Variants in GARNL3 observed in about 807,000 individuals in gnomAD.
GARNL3 encodes the protein GTPase activating Rap/RanGAP domain like 3, also known as GTPase-activating Rap/Ran-GAP domain-like protein 3.
In GARNL3, 63 loss-of-function variants were observed where a neutral mutation model predicts 125.0. The ratio of observed to expected loss-of-function variants is 0.50; its 90% CI spans 0.41 to 0.62. The LOEUF (loss-of-function observed/expected upper bound fraction) is 0.62. GARNL3 is among the 20% of genes least tolerant of loss of function. GARNL3 has a pLI of 0.00. For missense variants in GARNL3, 994 were observed against 1,244.0 expected, an observed-to-expected ratio of 0.80 and a Z score of 3.02; for synonymous variants, 439 against 457.5, an observed-to-expected ratio of 0.96 and a Z score of 0.52.
intron 1 of GARNL3, among the ~76,000 whole-genome samples, chr9:127,229,523 T>C (rs1251545029): frequency 6.6e-6 from 1 of 152,236 alleles, no homozygotes; most frequent in African/African-American, 2.4e-5. Context: ...TGAGACAAAG[T>C]CTCACTCTAT....
intron 14 of GARNL3, among the ~76,000 whole-genome samples, chr9:127,343,440 C>A (rs1277589952): frequency 6.6e-6 from 1 of 152,192 alleles, no homozygotes; most frequent in East Asian, 1.9e-4. Flanking sequence ...TCCCTAGCCC[C>A]CCAGTTGAAG....
intron 2 of GARNL3, among the ~76,000 whole-genome samples, chr9:127,293,137 T>C (rs2064476096): frequency 6.6e-6 from 1 of 152,204 alleles, no homozygotes; most frequent in South Asian, 2.1e-4. Flanking sequence ...AATGGTACTT[T>C]CTAGCCTGAT....
In GARNL3 at chr9:127,240,622, G is replaced by T. The variant is rs537687283; in HGVS notation, c.-28-2457G>T. On this transcript the variant is annotated intron_variant, in intron 1 of 10. Coordinates refer to the GARNL3 transcript ENST00000439286. ...CACATTAAAATTCATTTTAATAAGG[G>T]GCTAGGCATGGCATTCATGCTTGTA... 7.2e-5 allele frequency among the ~76,000 whole-genome samples: 11 copies of T among 152,274 alleles called. No homozygotes were observed. The South Asian group carries it at 2.3e-3, about 32-fold the overall frequency.
In GARNL3 at chr9:127,387,210, A is replaced by G. The variant is rs1487628774; in HGVS notation, c.2406A>G (p.Thr802=). 8 of 1,613,466 alleles carry G rather than the reference A, an allele frequency of 5.0e-6. No homozygotes were observed. The highest frequency in any genetic ancestry group is 1.3e-5 in the African/African-American group (1 of 74,838). The change falls in exon 25 of 28, where the codon ACA becomes ACG. Residue 802 remains threonine (T), a synonymous_variant. Coordinates refer to ENST00000373387, the MANE Select transcript of GARNL3 (RefSeq NM_032293.5). ...CTTTCTAGTCGGATATATACTTCAC[A>G]GCAACTGCAGCTGTGAATGAGGTCT... ...LVASRSDIYF[T]ATAAVNEVSS... is the part of the protein sequence containing the mutation.
intron 2 of GARNL3, among the ~76,000 whole-genome samples, chr9:127,297,288 G>T (rs1187043257): frequency 6.6e-6 from 1 of 151,936 alleles, no homozygotes; most frequent in Non-Finnish European, 1.5e-5. Flanking sequence ...ACAGGCGCAG[G>T]CCACCACGTC....
chr9:127,288,486 A>G (rs944580753), intron 1 of GARNL3, among the ~76,000 whole-genome samples: 1 of 152,064 alleles, frequency 6.6e-6, no homozygotes, highest in Non-Finnish European at 1.5e-5. Flanking sequence ...GGGTGTATAG[A>G]CTCAGTAGGA....
chr9:127,338,265 A>C, intron 12 of GARNL3, 104 bp downstream of exon 12: 2 of 919,390 alleles, frequency 2.2e-6, no homozygotes, highest in South Asian at 2.8e-5. Context: ...TGATTGATTT[A>C]ATATGAGTGC....
At chr9:127,312,907 A>G (rs1160257768) in intron 3 of GARNL3, among the ~76,000 whole-genome samples, 1 of 152,232 alleles carries the variant, frequency 6.6e-6, no homozygotes, top group Non-Finnish European at 1.5e-5. Context: ...CAGGTGCAGT[A>G]ACAGAAAACC....
chr9:127,276,184 C>T (rs1564871971), intron 1 of GARNL3, among the ~76,000 whole-genome samples: 1 of 151,212 alleles, frequency 6.6e-6, no homozygotes, highest in Non-Finnish European at 1.5e-5. Context: ...GATGGGGTCT[C>T]ATTATGTTAT....
At chr9:127,354,559 C>A in intron 19 of GARNL3, 149 bp downstream of exon 19, 1 of 555,006 alleles carries the variant, frequency 1.8e-6, no homozygotes, top group Admixed American at 3.1e-5. Context: ...ATCACTGTTT[C>A]CAGAAGGAGC....
At chr9:127,300,710 C>A in intron 2 of GARNL3, 1 of 324,560 alleles carries the variant, frequency 3.1e-6, no homozygotes, top group Non-Finnish European at 5.8e-6. Flanking sequence ...CCCCCTCGGC[C>A]TCCCAAAGTG....
chr9:127,324,855 G>A (rs1309464418), intron 6 of GARNL3, among the ~76,000 whole-genome samples: 2 of 152,178 alleles, frequency 1.3e-5, no homozygotes, highest in Non-Finnish European at 1.5e-5. Flanking sequence ...CTGCTCTTAC[G>A]AGATGGTCTT....
rs1333253057 is a variant in GARNL3 at position 127,350,775 on chromosome 9, C to CAA, written c.1543+1751_1543+1752dup. On this transcript the variant is annotated intron_variant, in intron 17 of 27. Transcript: ENST00000373387. ...TGGGCAACGGAGCAAGACTCCATCT[C>CAA]AAAAAAAAAAAAGTAATAAAATCCT... 2.2e-5 allele frequency among the ~76,000 whole-genome samples: 3 copies of CAA among 139,364 alleles called. No homozygotes were observed. In the East Asian group the frequency reaches 6.2e-4, roughly 29 times the overall value. 91.4% of individuals were successfully genotyped at this position (139,364 alleles called of 152,430 possible).
At chr9:127,231,056 T>A (rs1188687204) in intron 1 of GARNL3, among the ~76,000 whole-genome samples, 9,887 of 76,756 alleles carry the variant, frequency 0.13, 500 homozygotes, top group East Asian at 0.32. Flanking sequence ...ATATATTTTT[T>A]TTTTTTTTTT....
intron 2 of GARNL3, among the ~76,000 whole-genome samples, chr9:127,297,339 A>G (rs555186057): frequency 6.6e-6 from 1 of 152,068 alleles, no homozygotes; most frequent in African/African-American, 2.4e-5. Context: ...GGGTTTTGCC[A>G]TGTTGCCCAG....
At chr9:127,336,008 T>A in intron 10 of GARNL3, 120 bp from the exon 11 acceptor site, 1 of 701,280 alleles carries the variant, frequency 1.4e-6, no homozygotes, top group Admixed American at 2.8e-5. Flanking sequence ...CAAAGATGTC[T>A]GAAGTTCAGG....
chr9:127,368,404 C>A (rs1254213648), intron 22 of GARNL3, among the ~76,000 whole-genome samples: 2 of 150,660 alleles, frequency 1.3e-5, no homozygotes, highest in South Asian at 2.1e-4. Flanking sequence ...AATCTCGGCT[C>A]ACTGCAACCT....
At chr9:127,233,986 C>T in intron 1 of GARNL3, among the ~76,000 whole-genome samples, 1 of 152,102 alleles carries the variant, frequency 6.6e-6, no homozygotes, top group East Asian at 1.9e-4. Context: ...CTTCATTCCT[C>T]TGTGTTCCGT....
intron 2 of GARNL3, among the ~76,000 whole-genome samples, chr9:127,246,486 A>G (rs1253054001): frequency 2.0e-5 from 3 of 152,150 alleles, no homozygotes; most frequent in African/African-American, 7.2e-5. Context: ...AAAATATAAG[A>G]TAGAATAAAG....
Sources: gnomAD v4.1 joint callset for allele counts (sites outside exome capture counted in the v4.1 genomes callset) on GRCh38, gnomAD v4.1.1 for gene constraint, MANE v1.5 for transcripts, NCBI Gene and HGNC (gene_info 2026-07-23, HGNC 2026-07-21) for gene names.